Variants in EDN1 observed in about 807,000 individuals in gnomAD.
The protein encoded by EDN1 is endothelin-1.
EDN1 carries 11 observed loss-of-function variants against 21.7 expected under a neutral mutation model. The ratio of observed to expected loss-of-function variants is 0.51; its 90% CI spans 0.32 to 0.84. EDN1 has a LOEUF of 0.84. Ranked by LOEUF, EDN1 falls within the 40% of genes least tolerant of loss-of-function variation. The pLI is 0.03. For missense variants in EDN1, 244 were observed against 262.3 expected (o/e 0.93, Z 0.48); for synonymous variants, 85 against 90.6 (o/e 0.94, Z 0.35).
At chr6:12,242,649 A>AT in the EDN1 span, among the ~76,000 whole-genome samples, 1 of 151,852 alleles carries the variant, frequency 6.6e-6, no homozygotes, top group African/African-American at 2.4e-5. Context: ...GATGAGGTAG[A>AT]TCCTTGTTTG....
the EDN1 span, among the ~76,000 whole-genome samples, chr6:12,240,055 T>G: frequency 6.6e-6 from 1 of 152,194 alleles, no homozygotes; most frequent in Non-Finnish European, 1.5e-5. Flanking sequence ...TGTTCAGACA[T>G]CATCATTCTG....
intron 3 of EDN1, 63 bp downstream of exon 3, chr6:12,294,159 G>A (rs1053860232): frequency 1.9e-6 from 3 of 1,613,334 alleles, no homozygotes; most frequent in Admixed American, 1.7e-5. Flanking sequence ...TTCCTATCAT[G>A]GTACTGCCTT....
At chr6:12,254,350 C>T in the EDN1 span, among the ~76,000 whole-genome samples, 1 of 152,208 alleles carries the variant, frequency 6.6e-6, no homozygotes, top group African/African-American at 2.4e-5. Context: ...CACCACTTCT[C>T]CTTGTAAACC....
the EDN1 span, among the ~76,000 whole-genome samples, chr6:12,236,044 G>T: frequency 6.6e-6 from 1 of 152,122 alleles, no homozygotes; most frequent in Non-Finnish European, 1.5e-5. Context: ...TAACAATAAT[G>T]GTATGTCAGT....
the EDN1 span, among the ~76,000 whole-genome samples, chr6:12,231,770 C>G: frequency 6.6e-6 from 1 of 151,872 alleles, no homozygotes; most frequent in African/African-American, 2.4e-5. Context: ...AGATATCACT[C>G]AAGTTACACA....
At chr6:12,238,171 CA>C in the EDN1 span, among the ~76,000 whole-genome samples, 740 of 104,410 alleles carry the variant, frequency 7.1e-3, 6 homozygotes, top group African/African-American at 0.021. Flanking sequence ...GACTCTATCT[CA>C]AAAAAAAAAA....
At chr6:12,279,533 G>A in the EDN1 span, among the ~76,000 whole-genome samples, 10 of 152,336 alleles carry the variant, frequency 6.6e-5, no homozygotes, top group East Asian at 1.7e-3. Flanking sequence ...GGCAGGATGC[G>A]GTCAGAGGTC....
At chr6:12,258,124 C>T in the EDN1 span, among the ~76,000 whole-genome samples, 5 of 151,640 alleles carry the variant, frequency 3.3e-5, no homozygotes, top group African/African-American at 9.7e-5. Context: ...TAATTGCAAG[C>T]GGAGGTGCAG....
chr6:12,292,912 T>C (rs1008305812), intron 2 of EDN1, among the ~76,000 whole-genome samples: 16 of 152,154 alleles, frequency 1.1e-4, no homozygotes, highest in Non-Finnish European at 1.8e-4. Context: ...GCAGAAGTGA[T>C]GATATAGAGG....
the EDN1 span, among the ~76,000 whole-genome samples, chr6:12,242,590 C>A: frequency 6.6e-6 from 1 of 152,094 alleles, no homozygotes; most frequent in Non-Finnish European, 1.5e-5. Context: ...TGGTATGTGG[C>A]GTAATTTATT....
the EDN1 span, among the ~76,000 whole-genome samples, chr6:12,247,554 T>C: frequency 3.4e-5 from 5 of 146,812 alleles, no homozygotes; most frequent in Non-Finnish European, 6.0e-5. Flanking sequence ...TTTTTTTTTT[T>C]TTTGGAGACA....
At chr6:12,259,483 C>A in the EDN1 span, among the ~76,000 whole-genome samples, 1 of 151,526 alleles carries the variant, frequency 6.6e-6, no homozygotes, top group Non-Finnish European at 1.5e-5. Flanking sequence ...GATGTAAATA[C>A]TTCTTAATTA....
At chr6:12,266,387 G>C in the EDN1 span, among the ~76,000 whole-genome samples, 1 of 152,192 alleles carries the variant, frequency 6.6e-6, no homozygotes, top group African/African-American at 2.4e-5. Context: ...AAAGGGTTTA[G>C]AGCAGAGCAG....
In EDN1 at chr6:12,290,510, G is replaced by A; in HGVS notation, c.-120G>A. The A allele has an allele frequency of 2.4e-6, 2 of 828,084 alleles. No individual in the cohort carries two copies. 51.3% of individuals were successfully genotyped at this position (828,084 alleles called of 1,614,324 possible). A position where few individuals can be genotyped will look rare whatever the true frequency, so the allele number is the denominator to read the frequency against. On this transcript the variant is annotated 5_prime_UTR_variant, in exon 1 of 5. Transcript: ENST00000379375. Reference sequence around the variant, plus strand: ...TTCTCCCCGTTAAAAGGGCACTTGGGCTGAAGGATCGCTTTGAGATCTGAG... The same window carrying A: ...TTCTCCCCGTTAAAAGGGCACTTGGACTGAAGGATCGCTTTGAGATCTGAG...
the EDN1 span, among the ~76,000 whole-genome samples, chr6:12,238,245 G>A: frequency 2.0e-5 from 3 of 151,648 alleles, no homozygotes; most frequent in African/African-American, 7.3e-5. Flanking sequence ...CTATTTCTTT[G>A]TGATTTGGTT....
At chr6:12,268,737 G>A in the EDN1 span, among the ~76,000 whole-genome samples, 1 of 152,142 alleles carries the variant, frequency 6.6e-6, no homozygotes, top group East Asian at 1.9e-4. Context: ...ACATTTTGAA[G>A]TCAGGTAGTG....
At chr6:12,272,236 A>G in the EDN1 span, among the ~76,000 whole-genome samples, 1 of 152,174 alleles carries the variant, frequency 6.6e-6, no homozygotes, top group Admixed American at 6.5e-5. Context: ...TAGTATTAGA[A>G]GAGAACACAG....
At chr6:12,292,306 G>A (rs779791705) in intron 1 of EDN1, 35 bp from the exon 2 acceptor site, 2 of 1,611,836 alleles carry the variant, frequency 1.2e-6, no homozygotes, top group Non-Finnish European at 1.7e-6. Context: ...CGTTTGAGGA[G>A]ACATCCCCCA....
the EDN1 span, among the ~76,000 whole-genome samples, chr6:12,233,407 T>C: frequency 3.8e-3 from 572 of 152,330 alleles, 6 homozygotes; most frequent in African/African-American, 0.011. Context: ...ACCCGCCTTC[T>C]TCCTCCACCA....
Sources: allele counts gnomAD v4.1 joint callset (sites outside exome capture counted in the v4.1 genomes callset), GRCh38; gene constraint gnomAD v4.1.1; transcripts MANE v1.5; gene names NCBI Gene and HGNC (gene_info 2026-07-23, HGNC 2026-07-21).